The following WWOX variants were observed in gnomAD, a reference collection of about 807,000 sequenced individuals.
The protein encoded by WWOX is WW domain-containing oxidoreductase.
WWOX carries 69 observed loss-of-function variants against 46.2 expected under a neutral mutation model. The observed-to-expected ratio is 1.49, with a 90% CI of 1.23 to 1.82. The LOEUF (loss-of-function observed/expected upper bound fraction) is 1.82, where lower values mean the gene tolerates loss of function less well. Among genes scored for constraint, WWOX ranks in the 40% most tolerant of loss-of-function variants. The pLI is 0.00. For synonymous variants in WWOX, 359 were observed against 202.6 expected (o/e 1.77, Z -6.56); for missense variants, 919 against 542.6 (o/e 1.69, Z -6.89).
chr16:78,214,745 T>A (rs906670526), intron 5 of WWOX, among the ~76,000 whole-genome samples: 1 of 152,166 alleles, frequency 6.6e-6, no homozygotes, highest in African/African-American at 2.4e-5. Context: ...CTTCATACTT[T>A]GATTTTATGT....
intron 8 of WWOX, among the ~76,000 whole-genome samples, chr16:78,515,667 C>T (rs904839790): frequency 6.6e-6 from 1 of 152,312 alleles, no homozygotes; most frequent in Non-Finnish European, 1.5e-5. Context: ...GGCCTCTCCT[C>T]GCAGCCGCTC....
At chr16:79,053,801 C>T (rs951278404) in intron 8 of WWOX, among the ~76,000 whole-genome samples, 1 of 152,138 alleles carries the variant, frequency 6.6e-6, no homozygotes, top group African/African-American at 2.4e-5. Context: ...GAGCCTCTGA[C>T]TTGCAAGGTG....
At chr16:78,499,474 G>C (rs866677369) in intron 8 of WWOX, among the ~76,000 whole-genome samples, 1 of 152,184 alleles carries the variant, frequency 6.6e-6, no homozygotes, top group African/African-American at 2.4e-5. Flanking sequence ...GGTCAGGTGG[G>C]ACTCATGGAG....
chr16:78,363,238 A>G (rs1167170035), intron 5 of WWOX, among the ~76,000 whole-genome samples: 2 of 151,352 alleles, frequency 1.3e-5, no homozygotes, highest in African/African-American at 4.9e-5. Context: ...ATATTTTTAA[A>G]ATGTTGCTTT....
At chr16:79,090,273 C>CTGTGTG (rs777373628) in intron 8 of WWOX, among the ~76,000 whole-genome samples, 3 of 119,026 alleles carry the variant, frequency 2.5e-5, no homozygotes, top group Non-Finnish European at 5.3e-5. Flanking sequence ...ACAGATTCTA[C>CTGTGTG]TGTGTGCGTG....
chr16:79,187,836 C>A, intron 8 of WWOX, among the ~76,000 whole-genome samples: 1 of 152,258 alleles, frequency 6.6e-6, no homozygotes, highest in East Asian at 1.9e-4. Context: ...GCCACCATGC[C>A]TGGCCCCCTT....
At chr16:78,649,119 G>A (rs1882954) in intron 8 of WWOX, among the ~76,000 whole-genome samples, 2 of 151,944 alleles carry the variant, frequency 1.3e-5, no homozygotes, top group African/African-American at 2.4e-5. Flanking sequence ...GATTACAGGC[G>A]CCCACCACCA....
At chr16:78,911,476 A>C (rs772751527) in intron 8 of WWOX, among the ~76,000 whole-genome samples, 1 of 152,042 alleles carries the variant, frequency 6.6e-6, no homozygotes, top group Non-Finnish European at 1.5e-5. Context: ...TGAAAGATTC[A>C]GAAGTTGAAG....
intron 1 of WWOX, among the ~76,000 whole-genome samples, chr16:78,103,396 G>C (rs889166155): frequency 2.6e-5 from 4 of 152,030 alleles, no homozygotes; most frequent in African/African-American, 9.7e-5. Flanking sequence ...CCGTGCATTA[G>C]CTATTTATTG....
At position 78,609,708 on chromosome 16, in the gene WWOX, C is replaced by G. The variant is rs575038771; in HGVS notation, c.1056+176956C>G. 7.9e-5 allele frequency among the ~76,000 whole-genome samples: 12 copies of G among 152,190 alleles called. No homozygotes were observed. The East Asian group carries it at 2.3e-3, about 29-fold the overall frequency. ...TTGCATTCTGCCTTGCCTTGTCAGT[C>G]TGGGCTATCAAAAATATAGTTTCGT... On this transcript the variant is annotated intron_variant, in intron 8 of 8. Transcript: ENST00000566780.
At chr16:78,359,735 G>C (rs71396177) in intron 5 of WWOX, among the ~76,000 whole-genome samples, 91 of 152,330 alleles carry the variant, frequency 6.0e-4, no homozygotes, top group African/African-American at 2.0e-3. Flanking sequence ...AACGTGATGT[G>C]CATGAGAAGC....
chr16:78,137,313 C>T (rs1048049790), intron 4 of WWOX, among the ~76,000 whole-genome samples: 4 of 152,166 alleles, frequency 2.6e-5, no homozygotes, highest in Non-Finnish European at 4.4e-5. Flanking sequence ...GCTGTTTTGA[C>T]GTCTATGCTT....
chr16:78,777,106 C>T (rs1001808986), intron 8 of WWOX, among the ~76,000 whole-genome samples: 10 of 152,138 alleles, frequency 6.6e-5, no homozygotes, highest in African/African-American at 2.4e-4. Context: ...AGAAAAGTTT[C>T]AGTGATTATT....
chr16:79,194,878 CT>C (rs2051208185), intron 8 of WWOX, among the ~76,000 whole-genome samples: 1 of 152,076 alleles, frequency 6.6e-6, no homozygotes, highest in Admixed American at 6.6e-5. Flanking sequence ...AGAGTCTATG[CT>C]TTTTTCCCCC....
chr16:78,587,894 C>A (rs1199124361), intron 8 of WWOX, among the ~76,000 whole-genome samples: 1 of 152,196 alleles, frequency 6.6e-6, no homozygotes, highest in Non-Finnish European at 1.5e-5. Context: ...CCTTTTTCTG[C>A]ATGTTTACTT....
At chr16:79,094,316 C>T (rs1237639348) in intron 8 of WWOX, among the ~76,000 whole-genome samples, 4 of 151,240 alleles carry the variant, frequency 2.6e-5, no homozygotes, top group Non-Finnish European at 4.4e-5. Flanking sequence ...TGCAATGGCA[C>T]GATCTCGGCT....
At chr16:79,194,494 A>G (rs2051198914) in intron 8 of WWOX, among the ~76,000 whole-genome samples, 1 of 152,154 alleles carries the variant, frequency 6.6e-6, no homozygotes, top group South Asian at 2.1e-4. Flanking sequence ...TGACGGCTGA[A>G]CTTTGTAAGG....
intron 8 of WWOX, among the ~76,000 whole-genome samples, chr16:78,854,512 G>A (rs138477660): frequency 9.2e-5 from 14 of 152,272 alleles, no homozygotes; most frequent in African/African-American, 3.4e-4. Context: ...CCCTCAAATT[G>A]TAACACCCCT....
At chr16:78,594,201 C>A (rs111521925) in intron 8 of WWOX, among the ~76,000 whole-genome samples, 4 of 152,012 alleles carry the variant, frequency 2.6e-5, no homozygotes, top group Admixed American at 2.0e-4. Context: ...CCTTTTTAAC[C>A]CCATATACGA....
Sources: allele counts gnomAD v4.1 joint callset (sites outside exome capture counted in the v4.1 genomes callset), GRCh38; gene constraint gnomAD v4.1.1; transcripts MANE v1.5; gene names NCBI Gene and HGNC (gene_info 2026-07-23, HGNC 2026-07-21).